Variants in HERC3 observed in about 807,000 individuals in gnomAD.
HERC3 encodes HECT and RLD domain containing E3 ubiquitin protein ligase 3, also known as probable E3 ubiquitin-protein ligase HERC3.
In HERC3, 58 loss-of-function variants were observed where a neutral mutation model predicts 129.9. That is an observed-to-expected ratio of 0.45 (90% CI 0.36 to 0.56). HERC3 has a LOEUF of 0.56. HERC3 is among the 20% of genes least tolerant of loss of function. The probability of loss-of-function intolerance (pLI) is 0.00; values close to 1 mark genes in which losing one functional copy is unlikely to be tolerated. For missense variants in HERC3, 835 were observed against 1,244.2 expected, an observed-to-expected ratio of 0.67 and a Z score of 4.95; for synonymous variants, 430 against 451.0, an observed-to-expected ratio of 0.95 and a Z score of 0.59.
chr4:88,552,385 T>C, the HERC3 span, among the ~76,000 whole-genome samples: 66 of 152,280 alleles, frequency 4.3e-4, 1 homozygote, highest in South Asian at 7.7e-3. Flanking sequence ...CCCTAGTAGC[T>C]GAGATTACAG....
chr4:88,651,872 A>T (rs2924931), intron 4 of HERC3, 140 bp from the exon 5 acceptor site: 20,433 of 667,192 alleles, frequency 0.031, 1,706 homozygotes, highest in East Asian at 0.27. Flanking sequence ...ACAGGCGTGA[A>T]CCACTGTGCC....
intron 3 of HERC3, among the ~76,000 whole-genome samples, chr4:88,643,728 T>G (rs927045390): frequency 6.6e-6 from 1 of 152,186 alleles, no homozygotes; most frequent in Non-Finnish European, 1.5e-5. Flanking sequence ...CACAGCTTTT[T>G]AAAACAATTA....
chr4:88,693,490 A>C, intron 23 of HERC3: 1 of 973,962 alleles, frequency 1.0e-6, no homozygotes, highest in Non-Finnish European at 1.2e-6. Context: ...TAGTCTACAC[A>C]GTATTGATCT....
At chr4:88,601,258 A>G (rs981956117) in intron 2 of HERC3, among the ~76,000 whole-genome samples, 7 of 152,190 alleles carry the variant, frequency 4.6e-5, no homozygotes, top group Non-Finnish European at 8.8e-5. Context: ...CAAGAGTTCA[A>G]AGCATACCTC....
intron 5 of HERC3, among the ~76,000 whole-genome samples, 164 bp from the exon 6 acceptor site, chr4:88,652,705 A>G (rs1729424649): frequency 6.6e-6 from 1 of 152,022 alleles, no homozygotes; most frequent in Admixed American, 6.6e-5. Flanking sequence ...ATCACTTGGG[A>G]GTTTTGGTTT....
At chr4:88,548,198 T>A in the HERC3 span, among the ~76,000 whole-genome samples, 3 of 152,258 alleles carry the variant, frequency 2.0e-5, no homozygotes, top group African/African-American at 7.2e-5. Context: ...TACATTTTTA[T>A]TGCACTTCAA....
chr4:88,645,011 G>T (rs897469329), intron 3 of HERC3, among the ~76,000 whole-genome samples: 1 of 152,128 alleles, frequency 6.6e-6, no homozygotes, highest in Non-Finnish European at 1.5e-5. Flanking sequence ...TAGATACCAG[G>T]CCATCTTCTG....
chr4:88,655,306 T>A lies in HERC3; in HGVS notation c.908+2T>A. 1 of 1,606,068 alleles carries A rather than the reference T, an allele frequency of 6.2e-7. No homozygotes were observed. Among genetic ancestry groups the A allele is most frequent in the Non-Finnish European group, 8.5e-7 (1 of 1,176,750 alleles). On this transcript the variant is annotated splice_donor_variant, in intron 8 of 25. Transcript: ENST00000402738. LOFTEE classifies it high-confidence loss of function. Reference sequence around the variant, plus strand: ...AGTAACTCAAATTGCTTGTGGCAGGTGAGTGTTCCTCAAAGCTTGCTTGTA... The same window carrying A: ...AGTAACTCAAATTGCTTGTGGCAGGAGAGTGTTCCTCAAAGCTTGCTTGTA...
chr4:88,598,423 T>TGGTTG (rs1484917629), intron 2 of HERC3, among the ~76,000 whole-genome samples: 3 of 152,198 alleles, frequency 2.0e-5, no homozygotes, highest in African/African-American at 7.2e-5. Flanking sequence ...TTATGGCAGA[T>TGGTTG]GGTTGTGATG....
the HERC3 span, among the ~76,000 whole-genome samples, chr4:88,559,960 A>AT: frequency 8.4e-3 from 1,009 of 119,558 alleles, 11 homozygotes; most frequent in African/African-American, 0.02. Flanking sequence ...GTTATTTTTG[A>AT]TTTTTTTTTT....
At chr4:88,688,947 G>C (rs981567998) in intron 23 of HERC3, among the ~76,000 whole-genome samples, 6 of 152,146 alleles carry the variant, frequency 3.9e-5, no homozygotes, top group Admixed American at 6.5e-5. Flanking sequence ...GAGCGGGTAG[G>C]GGGTGGGAAA....
At chr4:88,664,274 G>A (rs1730817068) in intron 12 of HERC3, 62 bp downstream of exon 12, 5 of 1,329,736 alleles carry the variant, frequency 3.8e-6, no homozygotes, top group Non-Finnish European at 5.4e-6. Flanking sequence ...CTATTTGGAA[G>A]GCTGACACAG....
the HERC3 span, among the ~76,000 whole-genome samples, chr4:88,529,029 G>T: frequency 1.6e-3 from 250 of 152,046 alleles, no homozygotes; most frequent in African/African-American, 5.4e-3. Flanking sequence ...CCACTATGTG[G>T]CAGGCATGCA....
chr4:88,693,479 A>ATG, intron 23 of HERC3: 1 of 972,408 alleles, frequency 1.0e-6, no homozygotes, highest in Non-Finnish European at 1.2e-6. Context: ...GCTACTTTAC[A>ATG]TAGTCTACAC....
rs1036592898 is a variant in HERC3 at position 88,667,325 on chromosome 4, A to C, written c.1332-52A>C. The C allele has an allele frequency of 6.5e-6, 6 of 918,888 alleles. No homozygotes were observed. In the Admixed American group the frequency reaches 9.2e-5, roughly 14 times the overall value. 56.9% of individuals were successfully genotyped at this position (918,888 alleles called of 1,614,324 possible). ...ATTTTACTTGTTTATAATTCCTATC[A>C]GAGTGTTTGCTTTTTCTTTTATTAT... On this transcript the variant is annotated intron_variant, in intron 12 of 25. Transcript: ENST00000402738.
intron 2 of HERC3, among the ~76,000 whole-genome samples, chr4:88,596,063 A>G (rs370296760): frequency 1.3e-4 from 19 of 151,966 alleles, no homozygotes; most frequent in African/African-American, 4.6e-4. Context: ...GTTAGCCAGG[A>G]TGGTCTTGAT....
chr4:88,594,963 G>A (rs1048064526), intron 1 of HERC3, among the ~76,000 whole-genome samples: 29 of 151,800 alleles, frequency 1.9e-4, no homozygotes, highest in African/African-American at 6.0e-4. Context: ...TTAGCTGGGC[G>A]TGGTGGCGGG....
At chr4:88,659,083 A>G (rs1368477155) in intron 10 of HERC3, among the ~76,000 whole-genome samples, 2 of 151,788 alleles carry the variant, frequency 1.3e-5, no homozygotes, top group African/African-American at 2.4e-5. Flanking sequence ...AATTCCTTCC[A>G]CTCTTCCTTG....
In HERC3 at chr4:88,655,230, C is replaced by T. The variant is rs776036726; in HGVS notation, c.834C>T (p.Ser278=). The change falls in exon 8 of 26, where the codon TCC becomes TCT. Residue 278 remains serine (S), a synonymous_variant. Coordinates refer to ENST00000402738, the MANE Select transcript of HERC3 (RefSeq NM_014606.3). ...AGSCGQLGHD[S]MNDEVNPRRV... Reference sequence around the variant, plus strand: ...CCTGTGGGCAACTTGGACACGACTCCATGAATGATGAGGTTAACCCTAGAA... The same window carrying T: ...CCTGTGGGCAACTTGGACACGACTCTATGAATGATGAGGTTAACCCTAGAA... 4 of 1,613,830 alleles carry T rather than the reference C, an allele frequency of 2.5e-6. No homozygotes were observed. Among genetic ancestry groups the T allele is most frequent in the Non-Finnish European group, 3.4e-6 (4 of 1,179,924 alleles).
Sources: gnomAD v4.1 joint callset for allele counts (sites outside exome capture counted in the v4.1 genomes callset) on GRCh38, gnomAD v4.1.1 for gene constraint, MANE v1.5 for transcripts, NCBI Gene and HGNC (gene_info 2026-07-23, HGNC 2026-07-21) for gene names.